Variants in FAM228B observed in about 807,000 individuals in gnomAD.
FAM228B encodes protein FAM228B.
A neutral mutation model predicts 42.6 loss-of-function variants in FAM228B; 38 were observed. The ratio of observed to expected loss-of-function variants is 0.89; its 90% CI spans 0.69 to 1.17. FAM228B has a LOEUF of 1.17. Ranked by LOEUF, FAM228B falls within the 50% of genes most tolerant of loss-of-function variation. The pLI is 0.00. For synonymous variants in FAM228B, 109 were observed against 122.3 expected, an observed-to-expected ratio of 0.89 and a Z score of 0.72; for missense variants, 344 against 367.3, an observed-to-expected ratio of 0.94 and a Z score of 0.52.
chr2:24,141,430 G>A (rs1448046801), intron 5 of FAM228B, among the ~76,000 whole-genome samples: 1 of 152,186 alleles, frequency 6.6e-6, no homozygotes, highest in Non-Finnish European at 1.5e-5. Flanking sequence ...ATATTTAGTA[G>A]AGACGGGGTT....
intron 5 of FAM228B, among the ~76,000 whole-genome samples, chr2:24,141,667 C>T (rs1432951828): frequency 2.6e-5 from 4 of 152,180 alleles, no homozygotes; most frequent in Non-Finnish European, 4.4e-5. Flanking sequence ...TGTGAGCCAC[C>T]GCGCCTGGCC....
intron 3 of FAM228B, among the ~76,000 whole-genome samples, chr2:24,108,321 G>A (rs921897499): frequency 6.6e-6 from 1 of 151,554 alleles, no homozygotes; most frequent in African/African-American, 2.4e-5. Context: ...AAACAAAAAA[G>A]GTCCAGGACC....
intron 7 of FAM228B, among the ~76,000 whole-genome samples, chr2:24,155,523 A>ATTTTT (rs1667115999): frequency 3.9e-5 from 1 of 25,870 alleles, no homozygotes; most frequent in Non-Finnish European, 7.4e-5. Context: ...ATATATATAT[A>ATTTTT]TATATATATT....
intron 5 of FAM228B, among the ~76,000 whole-genome samples, chr2:24,146,008 T>G (rs114541560): frequency 0.027 from 4,144 of 152,272 alleles, 71 homozygotes; most frequent in East Asian, 0.076. Flanking sequence ...CTTTTTATAG[T>G]GAGTTAATAT....
intron 3 of FAM228B, chr2:24,115,688 A>G: frequency 6.6e-7 from 1 of 1,513,536 alleles, no homozygotes; most frequent in Admixed American, 1.7e-5. Context: ...TCCATTTATT[A>G]TTCCACAAAC....
chr2:24,135,976 GT>G (rs34144721), intron 3 of FAM228B, among the ~76,000 whole-genome samples: 10,097 of 84,212 alleles, frequency 0.12, 1,190 homozygotes, highest in South Asian at 0.18. Context: ...ATAGTGAAGG[GT>G]TTTTTTTTTT....
At chr2:24,094,821 G>A (rs369529530) in intron 2 of FAM228B, among the ~76,000 whole-genome samples, 6 of 152,118 alleles carry the variant, frequency 3.9e-5, no homozygotes, top group African/African-American at 7.2e-5. Context: ...GGCCGGGTGC[G>A]GTGACTCACA....
chr2:24,081,043 A>G, intron 2 of FAM228B: 3 of 1,607,734 alleles, frequency 1.9e-6, no homozygotes, highest in Non-Finnish European at 2.6e-6. Flanking sequence ...TGTGACAGAA[A>G]GTACAGGGTT....
chr2:24,110,470 T>G (rs1265744603), intron 3 of FAM228B, among the ~76,000 whole-genome samples: 1 of 152,146 alleles, frequency 6.6e-6, no homozygotes. Context: ...GAGTGGGGAT[T>G]GAGTTCAATC....
rs1389747755 is a variant in FAM228B, at chr2:24,135,147, C to G, written c.128C>G (p.Ala43Gly). 1.3e-6 allele frequency: 2 copies of G among 1,510,348 alleles called. No individual in the cohort carries two copies. Among genetic ancestry groups the G allele is most frequent in the South Asian group, 2.6e-5 (2 of 78,306 alleles). The allele number at this position is 1,510,348 out of a possible 1,614,324, so 93.6% of individuals were successfully genotyped here. A position where few individuals can be genotyped will look rare whatever the true frequency, so the allele number is the denominator to read the frequency against. The change falls in exon 3 of 11, where the codon GCT becomes GGT. Residue 43 changes from alanine to glycine, a missense_variant. By Grantham distance (60) the Ala-to-Gly change is moderately conservative. Coordinates refer to ENST00000615575, the MANE Select transcript of FAM228B (RefSeq NM_001145710.2). ...EVLAKEDTEA[A>G]IQSILYKENS... ...TTAGCTAAAGAAGATACTGAGGCAG[C>G]TATTCAATCAATATTATACAAAGAA...
At chr2:24,155,531 ATTTTTTTTT>A (rs70944720) in intron 7 of FAM228B, among the ~76,000 whole-genome samples, 279 of 12,948 alleles carry the variant, frequency 0.022, 1 homozygote, top group South Asian at 0.062. Context: ...ATATATATAT[ATTTTTTTTT>A]TTTTTTTTTT....
At chr2:24,082,403 G>C (rs1254978158) in intron 2 of FAM228B, among the ~76,000 whole-genome samples, 1 of 152,152 alleles carries the variant, frequency 6.6e-6, no homozygotes, top group Non-Finnish European at 1.5e-5. Context: ...CTCATCTCCA[G>C]CTTCTATCAT....
intron 1 of FAM228B, chr2:24,078,912 T>A (rs1275958792): frequency 6.6e-6 from 1 of 152,430 alleles, no homozygotes; most frequent in Non-Finnish European, 1.5e-5. Flanking sequence ...TTTGCTATGT[T>A]GCTCAGGCTG....
At chr2:24,096,249 C>T (rs1356981446) in intron 3 of FAM228B, 1 of 152,164 alleles carries the variant, frequency 6.6e-6, no homozygotes, top group Non-Finnish European at 1.5e-5. Flanking sequence ...CAACTCCTCG[C>T]CAGCAAAGAG....
intron 2 of FAM228B, among the ~76,000 whole-genome samples, chr2:24,124,783 A>G (rs151038696): frequency 7.9e-4 from 120 of 152,254 alleles, no homozygotes; most frequent in African/African-American, 2.8e-3. Context: ...GGGTCTTGCT[A>G]TGTTTCCTCC....
upstream of FAM228B, chr2:24,119,609 G>A (rs770446514): frequency 1.9e-6 from 3 of 1,613,798 alleles, no homozygotes; most frequent in Admixed American, 5.0e-5. Context: ...ACAGATGCTA[G>A]GATACATGCC....
intron 7 of FAM228B, among the ~76,000 whole-genome samples, chr2:24,155,523 A>ATTTT (rs1667115999): frequency 7.7e-5 from 2 of 25,892 alleles, no homozygotes; most frequent in Non-Finnish European, 1.5e-4. Context: ...ATATATATAT[A>ATTTT]TATATATATT....
At chr2:24,121,769 C>T (rs551366786), upstream of FAM228B, among the ~76,000 whole-genome samples, 1 of 152,062 alleles carries the variant, frequency 6.6e-6, no homozygotes, top group Non-Finnish European at 1.5e-5. Flanking sequence ...TTAGAAAGAG[C>T]CTGGCACCTC....
chr2:24,097,450 GCA>G (rs1665521096), intron 3 of FAM228B: 2 of 24,150 alleles, frequency 8.3e-5, no homozygotes, highest in African/African-American at 4.1e-4. Flanking sequence ...CAAATGGAAA[GCA>G]AAAAAAAAAA....
Sources: gnomAD v4.1 joint callset for allele counts (sites outside exome capture counted in the v4.1 genomes callset) on GRCh38, gnomAD v4.1.1 for gene constraint, MANE v1.5 for transcripts, NCBI Gene and HGNC (gene_info 2026-07-23, HGNC 2026-07-21) for gene names.